The following ITGA9 variants were observed in gnomAD, a reference collection of about 807,000 sequenced individuals.
ITGA9 encodes the protein integrin subunit alpha 9.
In ITGA9, 56 loss-of-function variants were observed where a neutral mutation model predicts 127.8. The observed-to-expected ratio is 0.44, with a 90% CI of 0.35 to 0.55. The LOEUF (loss-of-function observed/expected upper bound fraction) is 0.55, where lower values mean the gene tolerates loss of function less well. Ranked by LOEUF, ITGA9 falls within the 20% of genes least tolerant of loss-of-function variation. The pLI, the probability that ITGA9 is intolerant of heterozygous loss-of-function variation, is 0.00. For synonymous variants in ITGA9, 508 were observed against 514.5 expected, an observed-to-expected ratio of 0.99 and a Z score of 0.17; for missense variants, 1,196 against 1,347.1, an observed-to-expected ratio of 0.89 and a Z score of 1.76.
chr3:37,567,686 A>G (rs1272540281), intron 15 of ITGA9, among the ~76,000 whole-genome samples: 1 of 152,198 alleles, frequency 6.6e-6, no homozygotes, highest in Non-Finnish European at 1.5e-5. Context: ...ACTAAAGGCT[A>G]AATGCCCCCA....
intron 15 of ITGA9, among the ~76,000 whole-genome samples, chr3:37,580,930 G>A (rs1014339637): frequency 6.6e-6 from 1 of 152,146 alleles, no homozygotes; most frequent in African/African-American, 2.4e-5. Context: ...TTACTTCTCT[G>A]ACTCTCTAGA....
intron 15 of ITGA9, among the ~76,000 whole-genome samples, chr3:37,562,235 A>G (rs544546331): frequency 1.4e-4 from 22 of 152,028 alleles, no homozygotes; most frequent in African/African-American, 5.1e-4. Context: ...ACCAGAGTCT[A>G]CCTCCATGTA....
chr3:37,651,788 C>A (rs1464960875), intron 16 of ITGA9, among the ~76,000 whole-genome samples: 1 of 152,070 alleles, frequency 6.6e-6, no homozygotes, highest in Non-Finnish European at 1.5e-5. Flanking sequence ...TCTGGGGATC[C>A]ACTTGTGGGG....
At chr3:37,725,137 A>G (rs1037024285) in intron 18 of ITGA9, among the ~76,000 whole-genome samples, 7 of 152,202 alleles carry the variant, frequency 4.6e-5, no homozygotes, top group Non-Finnish European at 1.0e-4. Context: ...CACCCTCTGC[A>G]TCTCTGCTCA....
chr3:37,582,801 A>C (rs368454357), intron 15 of ITGA9, among the ~76,000 whole-genome samples: 1 of 152,304 alleles, frequency 6.6e-6, no homozygotes, highest in East Asian at 1.9e-4. Context: ...TATGTCTTCT[A>C]CTGTTCCACA....
At chr3:37,742,731 T>G (rs1042083529) in intron 21 of ITGA9, among the ~76,000 whole-genome samples, 1 of 152,160 alleles carries the variant, frequency 6.6e-6, no homozygotes, top group African/African-American at 2.4e-5. Context: ...GTTGATCCCT[T>G]GCAGGGAGAG....
chr3:37,505,026 T>C (rs918255248), intron 6 of ITGA9, among the ~76,000 whole-genome samples: 1 of 152,074 alleles, frequency 6.6e-6, no homozygotes, highest in Non-Finnish European at 1.5e-5. Flanking sequence ...TGTTTCTAGG[T>C]TCCTTTTGCA....
At chr3:37,466,027 T>C (rs1698366252) in intron 1 of ITGA9, among the ~76,000 whole-genome samples, 1 of 152,090 alleles carries the variant, frequency 6.6e-6, no homozygotes, top group Non-Finnish European at 1.5e-5. Flanking sequence ...TCCCTATCTG[T>C]AAAATGGGGA....
chr3:37,733,369 G>A (rs754080072), intron 19 of ITGA9, among the ~76,000 whole-genome samples: 33 of 152,054 alleles, frequency 2.2e-4, no homozygotes, highest in Non-Finnish European at 4.7e-4. Flanking sequence ...ATGGAACATT[G>A]TAGTATGTGC....
At chr3:37,532,069 A>G (rs1265869705) in intron 13 of ITGA9, among the ~76,000 whole-genome samples, 2 of 152,232 alleles carry the variant, frequency 1.3e-5, no homozygotes, top group African/African-American at 4.8e-5. Flanking sequence ...ATTTATTTCT[A>G]GTATCCTATA....
At chr3:37,704,420 T>C (rs756929079) in intron 18 of ITGA9, among the ~76,000 whole-genome samples, 47 of 152,098 alleles carry the variant, frequency 3.1e-4, no homozygotes, top group Non-Finnish European at 6.6e-4. Flanking sequence ...TGAACTCAAA[T>C]AAAAGGAAGA....
chr3:37,537,868 C>T (rs549891062), intron 14 of ITGA9, among the ~76,000 whole-genome samples: 2 of 152,354 alleles, frequency 1.3e-5, no homozygotes, highest in South Asian at 4.1e-4. Context: ...AGGAGTTCTT[C>T]CTGTCCCTAA....
At chr3:37,479,459 G>A (rs1030094159) in intron 3 of ITGA9, among the ~76,000 whole-genome samples, 1 of 152,228 alleles carries the variant, frequency 6.6e-6, no homozygotes, top group South Asian at 2.1e-4. Context: ...GCAGAGAGTG[G>A]CCTTGTCCAG....
At chr3:37,467,025 G>A (rs1216380230) in intron 1 of ITGA9, among the ~76,000 whole-genome samples, 1 of 152,182 alleles carries the variant, frequency 6.6e-6, no homozygotes, top group African/African-American at 2.4e-5. Flanking sequence ...GGATCAGCCT[G>A]GTAAACAGCC....
At chr3:37,788,315 C>A (rs1454734062) in intron 26 of ITGA9, among the ~76,000 whole-genome samples, 2 of 152,052 alleles carry the variant, frequency 1.3e-5, no homozygotes, top group Non-Finnish European at 2.9e-5. Flanking sequence ...ACAGAAAAAA[C>A]ACACTACTAG....
At chr3:37,674,426 C>A (rs1011397175) in intron 17 of ITGA9, among the ~76,000 whole-genome samples, 1 of 152,324 alleles carries the variant, frequency 6.6e-6, no homozygotes, top group African/African-American at 2.4e-5. Context: ...CAGCCTCTTA[C>A]AGGAGTGCAT....
intron 26 of ITGA9, among the ~76,000 whole-genome samples, chr3:37,786,482 TACTTGGGA>T (rs1296078675): frequency 6.6e-6 from 1 of 152,074 alleles, no homozygotes; most frequent in Admixed American, 6.6e-5. Context: ...TAATCCCAGC[TACTTGGGA>T]ACTGAGGCAG....
At chr3:37,812,571 G>A (rs71323633) in intron 27 of ITGA9, among the ~76,000 whole-genome samples, 3 of 152,238 alleles carry the variant, frequency 2.0e-5, no homozygotes, top group Non-Finnish European at 4.4e-5. Flanking sequence ...GAGTTTTCTG[G>A]TTGCTTTTGG....
intron 18 of ITGA9, among the ~76,000 whole-genome samples, chr3:37,730,734 T>C (rs1305052583): frequency 6.6e-6 from 1 of 152,188 alleles, no homozygotes; most frequent in Non-Finnish European, 1.5e-5. Context: ...GCATGTTACA[T>C]ACATGAGCTT....
Sources: gnomAD v4.1 joint callset for allele counts (sites outside exome capture counted in the v4.1 genomes callset) on GRCh38, gnomAD v4.1.1 for gene constraint, MANE v1.5 for transcripts, NCBI Gene and HGNC (gene_info 2026-07-23, HGNC 2026-07-21) for gene names.